The following GPC5 variants were observed in gnomAD, a reference collection of about 807,000 sequenced individuals.
The protein encoded by GPC5 is glypican 5, also known as glypican-5.
Under a neutral mutation model 53.9 loss-of-function variants are expected in GPC5, and 47 were observed. The observed-to-expected ratio is 0.87, with a 90% CI of 0.69 to 1.11. The LOEUF is 1.11. GPC5 is among the 50% of genes most tolerant of loss of function. The pLI, the probability that GPC5 is intolerant of heterozygous loss-of-function variation, is 0.00. For missense variants in GPC5, 748 were observed against 713.1 expected (o/e 1.05, Z -0.56); for synonymous variants, 286 against 263.3 (o/e 1.09, Z -0.84).
intron 7 of GPC5, among the ~76,000 whole-genome samples, chr13:92,598,198 A>C (rs562497906): frequency 3.9e-5 from 6 of 152,358 alleles, no homozygotes; most frequent in African/African-American, 1.2e-4. Context: ...AAACTGTGAA[A>C]TCCTCAGTAG....
At chr13:92,263,646 T>C (rs762174662) in intron 7 of GPC5, among the ~76,000 whole-genome samples, 6 of 152,172 alleles carry the variant, frequency 3.9e-5, no homozygotes, top group Non-Finnish European at 8.8e-5. Flanking sequence ...AGCTGTGTTA[T>C]ACTGACAAAG....
intron 2 of GPC5, among the ~76,000 whole-genome samples, chr13:91,559,873 A>C (rs1442148166): frequency 6.6e-6 from 1 of 152,162 alleles, no homozygotes; most frequent in African/African-American, 2.4e-5. Context: ...GGTACAGACT[A>C]TAACCCAGGG....
intron 7 of GPC5, among the ~76,000 whole-genome samples, chr13:92,671,930 A>T (rs1435641043): frequency 6.6e-6 from 1 of 152,198 alleles, no homozygotes; most frequent in Admixed American, 6.5e-5. Flanking sequence ...CGTTGACATT[A>T]TCTTAAAGTG....
chr13:92,859,858 T>C (rs1365210934), intron 7 of GPC5, among the ~76,000 whole-genome samples: 2 of 152,046 alleles, frequency 1.3e-5, no homozygotes, highest in Non-Finnish European at 2.9e-5. Context: ...CAAAAATCAA[T>C]AAAGCAAACT....
chr13:91,886,118 A>G (rs1481227837), intron 5 of GPC5, among the ~76,000 whole-genome samples: 1 of 152,184 alleles, frequency 6.6e-6, no homozygotes, highest in African/African-American at 2.4e-5. Flanking sequence ...AAAAGGTTTA[A>G]TGGACTCCTA....
chr13:92,296,792 A>G (rs2043038523), intron 7 of GPC5, among the ~76,000 whole-genome samples: 1 of 152,156 alleles, frequency 6.6e-6, no homozygotes, highest in African/African-American at 2.4e-5. Flanking sequence ...CCGGGCAATG[A>G]GGGACTTAGC....
chr13:91,496,103 G>A (rs912135065), intron 2 of GPC5, among the ~76,000 whole-genome samples: 3 of 151,862 alleles, frequency 2.0e-5, no homozygotes, highest in African/African-American at 4.8e-5. Flanking sequence ...ATATGACTGG[G>A]AAGTGCAATA....
chr13:92,221,773 A>T (rs1165760660), intron 7 of GPC5, among the ~76,000 whole-genome samples: 3 of 152,120 alleles, frequency 2.0e-5, no homozygotes, highest in Non-Finnish European at 2.9e-5. Flanking sequence ...AAGAATCACT[A>T]GAATCCAGCT....
chr13:92,426,777 G>A (rs1261354435), intron 7 of GPC5, among the ~76,000 whole-genome samples: 4 of 151,936 alleles, frequency 2.6e-5, no homozygotes, highest in African/African-American at 9.7e-5. Flanking sequence ...GGAGGACAGA[G>A]GGCAAAAAGT....
At chr13:92,862,231 T>C (rs530412350) in intron 7 of GPC5, among the ~76,000 whole-genome samples, 1 of 152,280 alleles carries the variant, frequency 6.6e-6, no homozygotes, top group African/African-American at 2.4e-5. Context: ...CTTCCTAATC[T>C]TTAGAATAAG....
intron 7 of GPC5, among the ~76,000 whole-genome samples, chr13:92,752,531 T>G (rs1889440308): frequency 6.6e-6 from 1 of 151,988 alleles, no homozygotes; most frequent in African/African-American, 2.4e-5. Flanking sequence ...GCTCCCAGCG[T>G]GAGCGACGCA....
chr13:92,399,524 G>T lies in GPC5; in HGVS notation c.1561+254535G>T, dbSNP rs549099035. Among the ~76,000 whole-genome samples the T allele has an allele frequency of 4.6e-5, 7 of 152,110 alleles. No individual in the cohort carries two copies. In the South Asian group the frequency reaches 1.5e-3, roughly 32 times the overall value. ...ACCTATTTACCCCCAGCCACCTCAC[G>T]CCTTAACACACAAACACACACACAC... is the stretch of plus-strand genomic sequence containing the variant. On this transcript the variant is annotated intron_variant, in intron 7 of 7. Coordinates refer to ENST00000377067, the MANE Select transcript of GPC5 (RefSeq NM_004466.6).
intron 2 of GPC5, among the ~76,000 whole-genome samples, chr13:91,483,578 A>G (rs1301918567): frequency 6.6e-6 from 1 of 152,032 alleles, no homozygotes; most frequent in Non-Finnish European, 1.5e-5. Context: ...TTCTGCTGGG[A>G]TTGGGGTTTA....
chr13:92,073,273 A>C (rs958185720), intron 6 of GPC5, among the ~76,000 whole-genome samples: 1 of 152,252 alleles, frequency 6.6e-6, no homozygotes, highest in African/African-American at 2.4e-5. Flanking sequence ...CTATAGAAAG[A>C]TGTAGATTTA....
Position 92,668,176 on chromosome 13 carries a change from T to G in GPC5, c.1562-198106T>G, listed in dbSNP as rs566517652. On this transcript the variant is annotated intron_variant, in intron 7 of 7. Transcript: ENST00000377067. Reference sequence around the variant, plus strand: ...TAATATATTTCATTATGGAAAAATTTTAGGATTCCTTTTGCTCTCAGTATT... The same window carrying G: ...TAATATATTTCATTATGGAAAAATTGTAGGATTCCTTTTGCTCTCAGTATT... Among the ~76,000 whole-genome samples, 3 of 152,316 alleles carry G rather than the reference T, an allele frequency of 2.0e-5. No individual in the cohort carries two copies. The South Asian group carries it at 6.2e-4, about 32-fold the overall frequency.
At chr13:91,773,005 G>C (rs949607572) in intron 5 of GPC5, among the ~76,000 whole-genome samples, 3 of 152,122 alleles carry the variant, frequency 2.0e-5, no homozygotes, top group Non-Finnish European at 2.9e-5. Flanking sequence ...TTCATGATAT[G>C]ACTAATCTTA....
At chr13:92,252,072 G>A (rs1174453975) in intron 7 of GPC5, among the ~76,000 whole-genome samples, 2 of 152,074 alleles carry the variant, frequency 1.3e-5, no homozygotes, top group African/African-American at 2.4e-5. Context: ...ATCTGAGAAA[G>A]GATAGAGCTT....
intron 7 of GPC5, among the ~76,000 whole-genome samples, chr13:92,642,396 A>C (rs938160348): frequency 3.3e-5 from 5 of 152,174 alleles, no homozygotes; most frequent in African/African-American, 1.2e-4. Flanking sequence ...GTCTTTGGGA[A>C]TGCCTCAAAG....
chr13:92,746,793 G>T (rs779788798), intron 7 of GPC5, among the ~76,000 whole-genome samples: 4 of 151,972 alleles, frequency 2.6e-5, no homozygotes, highest in Non-Finnish European at 5.9e-5. Flanking sequence ...GAAGGATTTG[G>T]CTCCTTGATT....
Sources: allele counts gnomAD v4.1 joint callset (sites outside exome capture counted in the v4.1 genomes callset), GRCh38; gene constraint gnomAD v4.1.1; transcripts MANE v1.5; gene names NCBI Gene and HGNC (gene_info 2026-07-23, HGNC 2026-07-21).